Variants in EVC2 observed in about 807,000 individuals in gnomAD.
EVC2 encodes the protein EvC ciliary complex subunit 2.
A neutral mutation model predicts 149.3 loss-of-function variants in EVC2; 148 were observed. That is an observed-to-expected ratio of 0.99 (90% CI 0.87 to 1.14). EVC2 has a LOEUF of 1.14. Among genes scored for constraint, EVC2 ranks in the 50% most tolerant of loss-of-function variants. The pLI, the probability that EVC2 is intolerant of heterozygous loss-of-function variation, is 0.00. For missense variants in EVC2, 1,854 were observed against 1,627.3 expected, an observed-to-expected ratio of 1.14 and a Z score of -2.40; for synonymous variants, 776 against 649.9, an observed-to-expected ratio of 1.19 and a Z score of -2.95.
downstream of EVC2, among the ~76,000 whole-genome samples, chr4:5,539,523 C>T (rs1490603952): frequency 2.0e-5 from 3 of 152,094 alleles, no homozygotes; most frequent in African/African-American, 7.2e-5. Context: ...CTAACACAAC[C>T]TGATTTAAGA....
Position 5,655,640 on chromosome 4 carries a change from C to T in EVC2, c.1145+7467G>A, listed in dbSNP as rs113033350. ...CAGGGTTTGATATGGGAAATAGACA[C>T]AACTCGCGCATCACAGACTGTGCTG... is the stretch of plus-strand genomic sequence containing the variant. On this transcript the variant is annotated intron_variant, in intron 9 of 21. Coordinates refer to ENST00000344408, the MANE Select transcript of EVC2 (RefSeq NM_147127.5). Among the ~76,000 whole-genome samples, 217 of 152,062 alleles carry T rather than the reference C, an allele frequency of 1.4e-3. 2 individuals are homozygous for T. The highest frequency in any genetic ancestry group is 4.6e-3 in the African/African-American group (191 of 41,466).
chr4:5,582,675 G>C (rs370130599), intron 17 of EVC2, among the ~76,000 whole-genome samples: 136 of 152,332 alleles, frequency 8.9e-4, no homozygotes, highest in African/African-American at 3.0e-3. Context: ...TTTGAAATGT[G>C]AGAAGAACAT....
At chr4:5,663,590 G>C (rs921997514) in intron 8 of EVC2, among the ~76,000 whole-genome samples, 13 of 152,168 alleles carry the variant, frequency 8.5e-5, no homozygotes, top group African/African-American at 2.7e-4. Context: ...AGGTATGATG[G>C]ACCTTGACAT....
At chr4:5,685,246 T>C in intron 6 of EVC2, 124 bp downstream of exon 6, 1 of 938,324 alleles carries the variant, frequency 1.1e-6, no homozygotes, top group Non-Finnish European at 1.7e-6. Context: ...TATGCCCTTA[T>C]CTGCTAGGTG....
chr4:5,695,035 C>A (rs1488383317), intron 2 of EVC2, among the ~76,000 whole-genome samples: 1 of 152,140 alleles, frequency 6.6e-6, no homozygotes, highest in African/African-American at 2.4e-5. Flanking sequence ...GACACAAACG[C>A]CTGCTGAGCC....
At chr4:5,684,713 A>G (rs1283616127) in intron 6 of EVC2, among the ~76,000 whole-genome samples, 4 of 152,184 alleles carry the variant, frequency 2.6e-5, no homozygotes, top group East Asian at 1.9e-4. Flanking sequence ...CCCAAAATTT[A>G]TATGTTAAAG....
chr4:5,555,415 A>C (rs187995467), intron 21 of EVC2, among the ~76,000 whole-genome samples: 67 of 152,320 alleles, frequency 4.4e-4, no homozygotes, highest in African/African-American at 1.5e-3. Context: ...AACCCACTCT[A>C]ATTATAAAAA....
rs1320125511 is a variant in EVC2 at position 5,707,376 on chromosome 4, C to A, written c.228+910G>T. Among the ~76,000 whole-genome samples the A allele has an allele frequency of 3.3e-5, 5 of 152,070 alleles. No individual in the cohort carries two copies. The East Asian group carries it at 9.7e-4, about 29-fold the overall frequency. ...GAGAACACAGCAGGACACGACCCAC[C>A]ACCCTAGGAGAGAGGTGGGAGGACC... On this transcript the variant is annotated intron_variant, in intron 1 of 21. Coordinates refer to ENST00000344408, the MANE Select transcript of EVC2 (RefSeq NM_147127.5).
At chr4:5,595,100 C>A (rs577367989) in intron 16 of EVC2, among the ~76,000 whole-genome samples, 3 of 152,252 alleles carry the variant, frequency 2.0e-5, no homozygotes, top group African/African-American at 4.8e-5. Flanking sequence ...GATTGGTGTA[C>A]GTGAACATGA....
At chr4:5,550,450 A>C (rs1721713524) in intron 21 of EVC2, among the ~76,000 whole-genome samples, 1 of 152,164 alleles carries the variant, frequency 6.6e-6, no homozygotes, top group Non-Finnish European at 1.5e-5. Flanking sequence ...GATTTGTGGA[A>C]CTCTGAACTT....
intron 20 of EVC2, among the ~76,000 whole-genome samples, chr4:5,566,977 A>G (rs1722327142): frequency 6.6e-6 from 1 of 152,128 alleles, no homozygotes; most frequent in African/African-American, 2.4e-5. Flanking sequence ...TATTATTAAT[A>G]ATAGTAATAT....
intron 1 of EVC2, among the ~76,000 whole-genome samples, chr4:5,704,641 C>T (rs1722023856): frequency 6.6e-6 from 1 of 152,118 alleles, no homozygotes; most frequent in Non-Finnish European, 1.5e-5. Flanking sequence ...CATTAAAGAT[C>T]AAGTGAAGCA....
chr4:5,605,392 G>A (rs1400198235), intron 16 of EVC2, among the ~76,000 whole-genome samples: 1 of 152,158 alleles, frequency 6.6e-6, no homozygotes, highest in African/African-American at 2.4e-5. Flanking sequence ...GTTTAATGTG[G>A]TGAGCCTGCT....
intron 5 of EVC2, among the ~76,000 whole-genome samples, chr4:5,685,983 A>G (rs1032316191): frequency 6.6e-6 from 1 of 152,134 alleles, no homozygotes; most frequent in Non-Finnish European, 1.5e-5. Flanking sequence ...GAGTTTACTT[A>G]TAGCCCTAAA....
the EVC2 span, among the ~76,000 whole-genome samples, chr4:5,536,120 C>T: frequency 2.6e-5 from 4 of 152,116 alleles, no homozygotes; most frequent in South Asian, 4.1e-4. Context: ...CAATTGAATA[C>T]GACATGCAAG....
chr4:5,649,660 C>T (rs2108876639), intron 9 of EVC2, among the ~76,000 whole-genome samples: 1 of 152,246 alleles, frequency 6.6e-6, no homozygotes, highest in Middle Eastern at 3.4e-3. Flanking sequence ...ATAATTAATT[C>T]AGAAGGAAAA....
intron 21 of EVC2, among the ~76,000 whole-genome samples, chr4:5,554,757 G>A (rs745777173): frequency 3.9e-5 from 6 of 152,148 alleles, no homozygotes; most frequent in Non-Finnish European, 8.8e-5. Flanking sequence ...CCCTTCCAGA[G>A]TATTTTGAAG....
At chr4:5,627,451 T>C (rs1716194679) in intron 12 of EVC2, among the ~76,000 whole-genome samples, 1 of 151,932 alleles carries the variant, frequency 6.6e-6, no homozygotes. Context: ...AGGTGGGGAG[T>C]GTTTGCATAA....
chr4:5,687,949 G>A (rs1294023576), intron 5 of EVC2, among the ~76,000 whole-genome samples: 2 of 152,114 alleles, frequency 1.3e-5, no homozygotes, highest in Non-Finnish European at 2.9e-5. Flanking sequence ...CAGAAGCCAC[G>A]CAGCTTCTCA....
Sources: gnomAD v4.1 joint callset for allele counts (sites outside exome capture counted in the v4.1 genomes callset) on GRCh38, gnomAD v4.1.1 for gene constraint, MANE v1.5 for transcripts, NCBI Gene and HGNC (gene_info 2026-07-23, HGNC 2026-07-21) for gene names.